Variants in VAPA observed in about 807,000 individuals in gnomAD.
VAPA encodes vesicle-associated membrane protein-associated protein A.
Under a neutral mutation model 25.6 loss-of-function variants are expected in VAPA, and 6 were observed. The ratio of observed to expected loss-of-function variants is 0.23; its 90% CI spans 0.13 to 0.46. The LOEUF is 0.46. Among genes scored for constraint, VAPA ranks in the 20% least tolerant of loss-of-function variants. The probability of loss-of-function intolerance (pLI) is 0.99; values close to 1 mark genes in which losing one functional copy is unlikely to be tolerated. For missense variants in VAPA, 244 were observed against 302.1 expected, an observed-to-expected ratio of 0.81 and a Z score of 1.43; for synonymous variants, 112 against 106.2, an observed-to-expected ratio of 1.05 and a Z score of -0.34.
intron 4 of VAPA, among the ~76,000 whole-genome samples, chr18:9,939,338 A>AT (rs978052790): frequency 1.3e-5 from 2 of 151,582 alleles, no homozygotes; most frequent in Non-Finnish European, 2.9e-5. Flanking sequence ...TAATTTTTGT[A>AT]TTTTTTGTAG....
At chr18:9,925,400 T>C (rs574035426) in intron 1 of VAPA, among the ~76,000 whole-genome samples, 1 of 152,296 alleles carries the variant, frequency 6.6e-6, no homozygotes, top group African/African-American at 2.4e-5. Context: ...CATACTTTTA[T>C]GATGTTAGTG....
At chr18:9,918,432 T>C (rs2069130261) in intron 1 of VAPA, among the ~76,000 whole-genome samples, 2 of 152,188 alleles carry the variant, frequency 1.3e-5, no homozygotes, top group African/African-American at 4.8e-5. Context: ...GGTACTTTTA[T>C]CCTCTCACTA....
intron 4 of VAPA, 105 bp from the exon 5 acceptor site, chr18:9,950,290 A>G: frequency 7.8e-7 from 1 of 1,289,068 alleles, no homozygotes; most frequent in South Asian, 1.4e-5. Context: ...TAGGCCTTTT[A>G]AAGAGTTTTT....
chr18:9,933,075 T>A (rs886740748), intron 2 of VAPA, among the ~76,000 whole-genome samples: 26 of 149,390 alleles, frequency 1.7e-4, no homozygotes, highest in African/African-American at 6.4e-4. Flanking sequence ...CGAGTAAGAC[T>A]CCGTCTCAAA....
intron 4 of VAPA, among the ~76,000 whole-genome samples, chr18:9,946,247 G>C (rs2069422235): frequency 6.6e-6 from 1 of 152,184 alleles, no homozygotes; most frequent in Non-Finnish European, 1.5e-5. Context: ...AAACATCATA[G>C]AGTGTACTTA....
At chr18:9,951,641 A>G (rs556509325) in intron 5 of VAPA, among the ~76,000 whole-genome samples, 27 of 152,360 alleles carry the variant, frequency 1.8e-4, no homozygotes, top group Non-Finnish European at 3.7e-4. Flanking sequence ...AGACCTAAAT[A>G]CCTATACGTT....
chr18:9,931,670 G>A (rs368925278), intron 1 of VAPA, 140 bp from the exon 2 acceptor site: 13 of 615,502 alleles, frequency 2.1e-5, no homozygotes, highest in Non-Finnish European at 2.9e-5. Context: ...GAAAGGCAGT[G>A]TTAGTAGCCA....
chr18:9,926,207 T>C (rs2069198964), intron 1 of VAPA, among the ~76,000 whole-genome samples: 1 of 152,170 alleles, frequency 6.6e-6, no homozygotes, highest in Non-Finnish European at 1.5e-5. Flanking sequence ...AATATATGTT[T>C]TGTATATATG....
intron 1 of VAPA, among the ~76,000 whole-genome samples, chr18:9,927,603 G>A (rs1404671530): frequency 1.3e-5 from 2 of 151,784 alleles, no homozygotes; most frequent in Non-Finnish European, 2.9e-5. Flanking sequence ...TTACACATAT[G>A]GACTGACTAA....
At chr18:9,948,076 T>C (rs1192538691) in intron 4 of VAPA, 3 of 152,228 alleles carry the variant, frequency 2.0e-5, no homozygotes, top group Admixed American at 1.3e-4. Flanking sequence ...TTCTATTCTG[T>C]TTATGCTCCA....
chr18:9,925,450 A>G (rs375704595), intron 1 of VAPA, among the ~76,000 whole-genome samples: 2 of 152,102 alleles, frequency 1.3e-5, no homozygotes, highest in South Asian at 2.1e-4. Flanking sequence ...TTCAATGACT[A>G]AGTTTTTAAA....
At chr18:9,927,358 A>G (rs961419182) in intron 1 of VAPA, among the ~76,000 whole-genome samples, 7 of 152,106 alleles carry the variant, frequency 4.6e-5, no homozygotes, top group African/African-American at 1.4e-4. Flanking sequence ...CCTCCTCCAC[A>G]ATTGATTCTC....
Position 9,936,106 on chromosome 18 carries a change from T to G in VAPA, c.233-4T>G, listed in dbSNP as rs1317360329. 2 of 1,586,214 alleles carry G rather than the reference T, an allele frequency of 1.3e-6. No homozygotes were observed. The highest frequency in any genetic ancestry group is 1.7e-6 in the Non-Finnish European group (2 of 1,164,946). Reference sequence around the variant, plus strand: ...ATATAATATATCCTTTTTTTCTTATTTAGTAATGCTACAGCCCTTTGACTA... The same window carrying G: ...ATATAATATATCCTTTTTTTCTTATGTAGTAATGCTACAGCCCTTTGACTA... On this transcript the variant is annotated splice_region_variant and splice_polypyrimidine_tract_variant and intron_variant, in intron 2 of 5. Transcript: ENST00000400000.
In VAPA at chr18:9,958,832, G is replaced by A. The variant is rs1291985709; in HGVS notation, c.*4621G>A. 2.0e-5 allele frequency: 3 copies of A among 152,154 alleles called. No individual in the cohort carries two copies. The highest frequency in any genetic ancestry group is 7.2e-5 in the African/African-American group (3 of 41,444). The allele number at this position is 152,154 out of a possible 1,614,324, so 9.4% of individuals were successfully genotyped here. A position where few individuals can be genotyped will look rare whatever the true frequency, so the allele number is the denominator to read the frequency against. On this transcript the variant is annotated 3_prime_UTR_variant, in exon 6 of 6. Transcript: ENST00000400000. ...GAATACCACTAAAGATTTTTGACTT[G>A]TGAATAAATGAGCTGTCATCGCAAA...
intron 1 of VAPA, among the ~76,000 whole-genome samples, chr18:9,921,100 C>T (rs1305536464): frequency 1.3e-5 from 2 of 152,236 alleles, no homozygotes; most frequent in Admixed American, 1.3e-4. Flanking sequence ...GTAACAAGTT[C>T]TGGCATCATA....
At chr18:9,945,499 A>G (rs1236569035) in intron 4 of VAPA, among the ~76,000 whole-genome samples, 1 of 151,618 alleles carries the variant, frequency 6.6e-6, no homozygotes, top group African/African-American at 2.4e-5. Context: ...AGCTGGGAGT[A>G]CAGGCACGTG....
At chr18:9,930,275 T>C (rs1309404610) in intron 1 of VAPA, among the ~76,000 whole-genome samples, 1 of 152,150 alleles carries the variant, frequency 6.6e-6, no homozygotes. Flanking sequence ...ACATGTCTTT[T>C]TGTCATGTTA....
At chr18:9,944,059 C>T (rs1269740873) in intron 4 of VAPA, among the ~76,000 whole-genome samples, 2 of 151,682 alleles carry the variant, frequency 1.3e-5, no homozygotes, top group African/African-American at 4.8e-5. Context: ...GACAGGGTTT[C>T]ACCGTGGTGT....
chr18:9,944,752 T>C (rs29134), intron 4 of VAPA, among the ~76,000 whole-genome samples: 38,176 of 152,220 alleles, frequency 0.25, 5,346 homozygotes, highest in Middle Eastern at 0.34. Context: ...GTTCAGAAAC[T>C]ACTTTTGCTT....
Sources: gnomAD v4.1 joint callset for allele counts (sites outside exome capture counted in the v4.1 genomes callset) on GRCh38, gnomAD v4.1.1 for gene constraint, MANE v1.5 for transcripts, NCBI Gene and HGNC (gene_info 2026-07-23, HGNC 2026-07-21) for gene names.